SHISA9: variants seen among roughly 807,000 people sequenced by gnomAD.
SHISA9 encodes shisa family member 9.
In SHISA9, 13 loss-of-function variants were observed where a neutral mutation model predicts 38.0. The observed-to-expected ratio is 0.34, with a 90% CI of 0.22 to 0.54. The LOEUF is 0.54. Among genes scored for constraint, SHISA9 ranks in the 20% least tolerant of loss-of-function variants. The pLI, the probability that SHISA9 is intolerant of heterozygous loss-of-function variation, is 0.91. For synonymous variants in SHISA9, 275 were observed against 242.0 expected (o/e 1.14, Z -1.27); for missense variants, 538 against 575.8 (o/e 0.93, Z 0.67).
chr16:13,372,573 T>A, the SHISA9 span, among the ~76,000 whole-genome samples: 1 of 152,202 alleles, frequency 6.6e-6, no homozygotes, highest in Non-Finnish European at 1.5e-5. Flanking sequence ...TTGCTGAGAT[T>A]TGAGACATTT....
chr16:13,502,634 G>A, the SHISA9 span, among the ~76,000 whole-genome samples: 1 of 152,212 alleles, frequency 6.6e-6, no homozygotes, highest in East Asian at 1.9e-4. Flanking sequence ...CAACACTTTG[G>A]GAGGCCGAGG....
chr16:13,410,722 C>A, the SHISA9 span, among the ~76,000 whole-genome samples: 5 of 152,160 alleles, frequency 3.3e-5, no homozygotes, highest in Non-Finnish European at 7.4e-5. Flanking sequence ...TAAACAAAGC[C>A]TGTCAGGTTG....
At chr16:13,387,735 G>A in the SHISA9 span, among the ~76,000 whole-genome samples, 7 of 151,976 alleles carry the variant, frequency 4.6e-5, no homozygotes, top group African/African-American at 7.2e-5. Flanking sequence ...TGATCTGCCC[G>A]CCTCGGCCTC....
At chr16:13,410,296 C>T in the SHISA9 span, among the ~76,000 whole-genome samples, 1 of 152,184 alleles carries the variant, frequency 6.6e-6, no homozygotes, top group African/African-American at 2.4e-5. Flanking sequence ...ATCAAAGTGA[C>T]ATCTTTCCAA....
intron 4 of SHISA9, among the ~76,000 whole-genome samples, chr16:13,231,207 A>T (rs2051328521): frequency 6.6e-6 from 1 of 152,220 alleles, no homozygotes; most frequent in African/African-American, 2.4e-5. Flanking sequence ...TTCTGGCTTA[A>T]GTGGCTAAGG....
the SHISA9 span, among the ~76,000 whole-genome samples, chr16:13,345,707 A>G: frequency 6.6e-6 from 1 of 151,962 alleles, no homozygotes; most frequent in East Asian, 1.9e-4. Context: ...ACTAATTTAC[A>G]TTCCCACCAA....
At chr16:13,344,498 A>G in the SHISA9 span, among the ~76,000 whole-genome samples, 5 of 152,112 alleles carry the variant, frequency 3.3e-5, no homozygotes, top group African/African-American at 9.7e-5. Flanking sequence ...CTGTGGCAGA[A>G]TTCAAAATTA....
At chr16:13,423,350 G>C in the SHISA9 span, among the ~76,000 whole-genome samples, 3 of 152,128 alleles carry the variant, frequency 2.0e-5, no homozygotes, top group East Asian at 1.9e-4. Flanking sequence ...TATTACAAAA[G>C]GGAGATAAGT....
chr16:13,468,500 A>G, the SHISA9 span, among the ~76,000 whole-genome samples: 1 of 152,250 alleles, frequency 6.6e-6, no homozygotes, highest in Non-Finnish European at 1.5e-5. Flanking sequence ...AACTTTTTAA[A>G]TATAATACTT....
chr16:13,552,972 G>T, the SHISA9 span, among the ~76,000 whole-genome samples: 1 of 151,884 alleles, frequency 6.6e-6, no homozygotes, highest in Non-Finnish European at 1.5e-5. Context: ...TGTTGTGGGG[G>T]CCTGTTCTGT....
At chr16:13,109,743 T>C (rs1185851263) in intron 2 of SHISA9, among the ~76,000 whole-genome samples, 1 of 152,196 alleles carries the variant, frequency 6.6e-6, no homozygotes, top group African/African-American at 2.4e-5. Context: ...TTTCTGGACA[T>C]TACATGTGAA....
chr16:13,136,396 C>CTTTTTTTTT (rs35122409), intron 2 of SHISA9, among the ~76,000 whole-genome samples: 40 of 68,076 alleles, frequency 5.9e-4, no homozygotes, highest in Middle Eastern at 0.013. Context: ...CAGTTTCCTT[C>CTTTTTTTTT]TTTTTTTTTT....
the SHISA9 span, among the ~76,000 whole-genome samples, chr16:13,466,585 A>T: frequency 8.5e-5 from 13 of 152,118 alleles, no homozygotes; most frequent in East Asian, 1.9e-4. Context: ...TTGTTTTTTT[A>T]AAAAAAGTAA....
At chr16:13,034,842 G>A (rs534914903) in intron 2 of SHISA9, among the ~76,000 whole-genome samples, 15 of 152,150 alleles carry the variant, frequency 9.9e-5, no homozygotes, top group Non-Finnish European at 1.8e-4. Context: ...AACAGACCCA[G>A]GTCATTCCCT....
the SHISA9 span, among the ~76,000 whole-genome samples, chr16:13,297,080 G>T: frequency 6.6e-6 from 1 of 151,906 alleles, no homozygotes; most frequent in African/African-American, 2.4e-5. Flanking sequence ...TTAATATCCA[G>T]ATTTATATTT....
intron 2 of SHISA9, among the ~76,000 whole-genome samples, chr16:13,190,998 G>T: frequency 6.6e-6 from 1 of 151,614 alleles, no homozygotes; most frequent in Non-Finnish European, 1.5e-5. Flanking sequence ...AACCTTTTCT[G>T]ATGTAAGCCT....
At chr16:13,532,259 C>T in the SHISA9 span, among the ~76,000 whole-genome samples, 1 of 152,106 alleles carries the variant, frequency 6.6e-6, no homozygotes, top group South Asian at 2.1e-4. Flanking sequence ...CAAGCCCAGC[C>T]CTAGATCAGG....
chr16:13,533,142 GTCCC>G, the SHISA9 span, among the ~76,000 whole-genome samples: 38 of 152,118 alleles, frequency 2.5e-4, no homozygotes, highest in South Asian at 7.9e-3. Flanking sequence ...CTAATCCATG[GTCCC>G]CCATGACTAC....
At chr16:13,219,099 T>C (rs2051198224) in intron 4 of SHISA9, among the ~76,000 whole-genome samples, 2 of 152,336 alleles carry the variant, frequency 1.3e-5, no homozygotes, top group Non-Finnish European at 2.9e-5. Context: ...GCTGGGATTT[T>C]GATGAGCTTC....
Sources: allele counts gnomAD v4.1 joint callset (sites outside exome capture counted in the v4.1 genomes callset), GRCh38; gene constraint gnomAD v4.1.1; transcripts MANE v1.5; gene names NCBI Gene and HGNC (gene_info 2026-07-23, HGNC 2026-07-21).